The following PPP2R2D variants were observed in gnomAD, a reference collection of about 807,000 sequenced individuals.
PPP2R2D encodes protein phosphatase 2 regulatory subunit Bdelta, also known as serine/threonine-protein phosphatase 2A 55 kDa regulatory subunit B delta isoform.
Under a neutral mutation model 31.1 loss-of-function variants are expected in PPP2R2D, and 9 were observed. The ratio of observed to expected loss-of-function variants is 0.29; its 90% CI spans 0.17 to 0.51. PPP2R2D has a LOEUF of 0.51. Among genes scored for constraint, PPP2R2D ranks in the 20% least tolerant of loss-of-function variants. The probability of loss-of-function intolerance (pLI) is 0.98; values close to 1 mark genes in which losing one functional copy is unlikely to be tolerated. For missense variants in PPP2R2D, 391 were observed against 465.6 expected, an observed-to-expected ratio of 0.84 and a Z score of 1.48; for synonymous variants, 179 against 172.6, an observed-to-expected ratio of 1.04 and a Z score of -0.29.
intron 8 of PPP2R2D, among the ~76,000 whole-genome samples, chr10:131,952,876 A>C (rs1589962934): frequency 3.2e-5 from 1 of 31,324 alleles, no homozygotes; most frequent in Non-Finnish European, 5.4e-5. Flanking sequence ...TCCCTGTCTT[A>C]TCAGTGACTT....
intron 2 of PPP2R2D, among the ~76,000 whole-genome samples, chr10:131,918,286 T>TA (rs2035866326): frequency 7.2e-6 from 1 of 138,382 alleles, no homozygotes; most frequent in African/African-American, 2.8e-5. Context: ...CTCAGGCGGG[T>TA]GGAATGACAC....
chr10:131,935,876 C>T (rs1030024388), intron 3 of PPP2R2D, among the ~76,000 whole-genome samples: 1 of 152,028 alleles, frequency 6.6e-6, no homozygotes, highest in African/African-American at 2.4e-5. Context: ...CTAGCCTGAC[C>T]AACATGGAGA....
intron 2 of PPP2R2D, among the ~76,000 whole-genome samples, chr10:131,929,341 G>C (rs554820795): frequency 4.5e-4 from 68 of 152,292 alleles, no homozygotes; most frequent in African/African-American, 1.6e-3. Flanking sequence ...TTAGTGTTTC[G>C]TTCACTAAAG....
chr10:131,928,382 C>T (rs1447603849), intron 2 of PPP2R2D, among the ~76,000 whole-genome samples: 2 of 152,178 alleles, frequency 1.3e-5, no homozygotes, highest in African/African-American at 4.8e-5. Context: ...CAGAACTAGC[C>T]GAAGAGGACC....
intron 2 of PPP2R2D, among the ~76,000 whole-genome samples, chr10:131,918,901 G>A (rs200259491): frequency 7.3e-6 from 1 of 137,154 alleles, no homozygotes; most frequent in Non-Finnish European, 1.6e-5. Context: ...TCACATGGGT[G>A]GAATGGCACA....
Position 131,956,498 on chromosome 10 carries a change from G to C in PPP2R2D, c.*535G>C, listed in dbSNP as rs374449584. 3.1e-5 allele frequency: 31 copies of C among 985,478 alleles called. No homozygotes were observed. The East Asian group carries it at 2.5e-3, about 79-fold the overall frequency. 61.0% of individuals were successfully genotyped at this position (985,478 alleles called of 1,614,324 possible). ...CCACAGCATCCGCCGCCACCCCTTC[G>C]GGTGTGAGCGCTCAATAAAAACAAC... On this transcript the variant is annotated 3_prime_UTR_variant, in exon 9 of 9. Transcript: ENST00000455566.
At chr10:131,936,031 C>G (rs1232477197) in intron 3 of PPP2R2D, among the ~76,000 whole-genome samples, 1 of 151,670 alleles carries the variant, frequency 6.6e-6, no homozygotes, top group African/African-American at 2.4e-5. Flanking sequence ...CCATTGCACT[C>G]CAGCCTGGGC....
In PPP2R2D at chr10:131,904,458, C is replaced by G. The variant is rs1318368665; in HGVS notation, c.100+3128C>G. Among the ~76,000 whole-genome samples, 23 of 151,690 alleles carry G rather than the reference C, an allele frequency of 1.5e-4. 1 individual carries two copies. Among genetic ancestry groups the G allele is most frequent in the African/African-American group, 5.6e-4 (23 of 41,344 alleles). On this transcript the variant is annotated intron_variant, in intron 2 of 8. Coordinates refer to ENST00000455566, the MANE Select transcript of PPP2R2D (RefSeq NM_018461.5). ...CCGGGAGGCAGAGCTTGCAGTGAGC[C>G]GAGATCGTGCCACTGCACTCCAGCC...
At chr10:131,965,317 G>A in the PPP2R2D span, among the ~76,000 whole-genome samples, 3 of 152,146 alleles carry the variant, frequency 2.0e-5, no homozygotes, top group African/African-American at 7.2e-5. Context: ...GGCGGCTGCC[G>A]GTTTCTTAAG....
chr10:131,923,613 A>C (rs2036037202), intron 2 of PPP2R2D, among the ~76,000 whole-genome samples: 1 of 152,100 alleles, frequency 6.6e-6, no homozygotes. Flanking sequence ...TGTCTGTCTA[A>C]TTTTAGCCAT....
At chr10:131,955,427 C>T (rs1056870816) in intron 8 of PPP2R2D, among the ~76,000 whole-genome samples, 6 of 152,212 alleles carry the variant, frequency 3.9e-5, no homozygotes, top group African/African-American at 1.4e-4. Context: ...AAAAAATACA[C>T]TAATGTTAAA....
intron 8 of PPP2R2D, among the ~76,000 whole-genome samples, chr10:131,951,208 C>T (rs1554898731): frequency 2.0e-5 from 3 of 152,230 alleles, no homozygotes; most frequent in Admixed American, 6.5e-5. Flanking sequence ...TGGTCTTACC[C>T]AGTACCCTTC....
intron 2 of PPP2R2D, among the ~76,000 whole-genome samples, chr10:131,904,214 AAAAAAGG>A (rs1400860103): frequency 6.7e-6 from 1 of 148,826 alleles, no homozygotes; most frequent in Non-Finnish European, 1.5e-5. Flanking sequence ...AAAAAAAAAA[AAAAAAGG>A]AGAGAGATGG....
intron 2 of PPP2R2D, among the ~76,000 whole-genome samples, chr10:131,927,268 A>G (rs1344844200): frequency 6.6e-6 from 1 of 151,966 alleles, no homozygotes; most frequent in African/African-American, 2.4e-5. Context: ...CAAATGAAGG[A>G]AGGAGAAACT....
At chr10:131,916,836 GTGTT>G (rs1478284210) in intron 2 of PPP2R2D, among the ~76,000 whole-genome samples, 2 of 148,172 alleles carry the variant, frequency 1.3e-5, no homozygotes, top group South Asian at 2.2e-4. Flanking sequence ...TGGAATGACA[GTGTT>G]TGTAGGGACC....
chr10:131,922,453 TG>T (rs1394402441), intron 2 of PPP2R2D, among the ~76,000 whole-genome samples: 5 of 133,144 alleles, frequency 3.8e-5, no homozygotes, highest in South Asian at 2.3e-4. Context: ...ATCTGTCAAT[TG>T]TTTTTTTTTT....
At chr10:131,907,993 C>G (rs1357333106) in intron 2 of PPP2R2D, among the ~76,000 whole-genome samples, 1 of 152,162 alleles carries the variant, frequency 6.6e-6, no homozygotes, top group African/African-American at 2.4e-5. Flanking sequence ...CTTCAGCTCG[C>G]TTATCTAGAA....
chr10:131,906,851 G>A lies in PPP2R2D; in HGVS notation c.100+5521G>A, dbSNP rs1279472866. Among the ~76,000 whole-genome samples, 3 of 151,814 alleles carry A rather than the reference G, an allele frequency of 2.0e-5. 1 individual carries two copies. The highest frequency in any genetic ancestry group is 4.2e-4 in the South Asian group (2 of 4,806). On this transcript the variant is annotated intron_variant, in intron 2 of 8. Transcript: ENST00000455566. ...AGCTACTCAGGAGGCTGAGGTGGGG[G>A]CATCGCTTGAGCCAGGGAGGTTGAG...
At chr10:131,967,426 T>C in the PPP2R2D span, 1 of 152,264 alleles carries the variant, frequency 6.6e-6, no homozygotes, top group Non-Finnish European at 1.5e-5. Flanking sequence ...AAAGGAATTC[T>C]GATGTCATGC....
Sources: allele counts gnomAD v4.1 joint callset (sites outside exome capture counted in the v4.1 genomes callset), GRCh38; gene constraint gnomAD v4.1.1; transcripts MANE v1.5; gene names NCBI Gene and HGNC (gene_info 2026-07-23, HGNC 2026-07-21).